Variants in CACNA2D1 observed in about 807,000 individuals in gnomAD.
CACNA2D1 encodes the protein calcium voltage-gated channel auxiliary subunit alpha2delta 1, also known as voltage-dependent calcium channel subunit alpha-2/delta-1.
A neutral mutation model predicts 171.5 loss-of-function variants in CACNA2D1; 53 were observed. That is an observed-to-expected ratio of 0.31 (90% CI 0.25 to 0.39). The LOEUF (loss-of-function observed/expected upper bound fraction) is 0.39. Ranked by LOEUF, CACNA2D1 falls within the 10% of genes least tolerant of loss-of-function variation. The pLI is 1.00. For synonymous variants in CACNA2D1, 442 were observed against 443.1 expected, an observed-to-expected ratio of 1.00 and a Z score of 0.03; for missense variants, 903 against 1,299.8, an observed-to-expected ratio of 0.69 and a Z score of 4.69.
chr7:82,423,984 T>A (rs1289852430), intron 1 of CACNA2D1, among the ~76,000 whole-genome samples: 4 of 152,188 alleles, frequency 2.6e-5, no homozygotes, highest in Admixed American at 1.3e-4. Flanking sequence ...GTATATCTTT[T>A]TAAATTTCAT....
chr7:82,422,906 T>C (rs79347604), intron 1 of CACNA2D1, among the ~76,000 whole-genome samples: 1 of 151,836 alleles, frequency 6.6e-6, no homozygotes, highest in Non-Finnish European at 1.5e-5. Flanking sequence ...AAAATTTCCA[T>C]GCATTTTAAT....
intron 3 of CACNA2D1, among the ~76,000 whole-genome samples, chr7:82,288,228 G>T (rs1042268796): frequency 7.9e-5 from 12 of 151,948 alleles, no homozygotes; most frequent in African/African-American, 2.7e-4. Flanking sequence ...ATTAAAACTT[G>T]TTTTGTTTTT....
At chr7:82,108,325 G>T (rs1563059563) in intron 6 of CACNA2D1, among the ~76,000 whole-genome samples, 1 of 152,078 alleles carries the variant, frequency 6.6e-6, no homozygotes, top group East Asian at 1.9e-4. Context: ...ATAAAGTATA[G>T]CTACTTACAG....
intron 10 of CACNA2D1, among the ~76,000 whole-genome samples, chr7:82,041,285 C>T (rs4019048): frequency 0.82 from 123,955 of 151,988 alleles, 50,916 homozygotes; most frequent in Middle Eastern, 0.88. Flanking sequence ...AAAAATAAAG[C>T]TCGTCGAAAG....
At chr7:82,340,568 T>C (rs764210283) in intron 2 of CACNA2D1, among the ~76,000 whole-genome samples, 17 of 152,170 alleles carry the variant, frequency 1.1e-4, no homozygotes, top group Non-Finnish European at 1.9e-4. Context: ...TCTGAAGTTG[T>C]GATTAACATT....
chr7:81,993,447 A>G (rs1797752872), intron 20 of CACNA2D1, among the ~76,000 whole-genome samples: 1 of 152,164 alleles, frequency 6.6e-6, no homozygotes, highest in Non-Finnish European at 1.5e-5. Flanking sequence ...AAGCCTGTGG[A>G]ATTCAGCTAC....
chr7:82,132,249 G>C (rs1029806067), intron 5 of CACNA2D1, among the ~76,000 whole-genome samples: 10 of 152,202 alleles, frequency 6.6e-5, no homozygotes, highest in Admixed American at 4.6e-4. Flanking sequence ...TAGTCACTCA[G>C]ATGAATGAGT....
At chr7:81,962,108 A>G in intron 35 of CACNA2D1, 85 bp from the exon 36 acceptor site, 1 of 1,309,134 alleles carries the variant, frequency 7.6e-7, no homozygotes, top group South Asian at 1.2e-5. Context: ...TTCACTTCTC[A>G]CAGAGCAAAA....
intron 1 of CACNA2D1, among the ~76,000 whole-genome samples, chr7:82,397,090 C>T (rs1051401701): frequency 9.2e-5 from 14 of 152,214 alleles, no homozygotes; most frequent in African/African-American, 3.4e-4. Context: ...CATTCCACAC[C>T]GAGTACCAAC....
At chr7:82,433,202 AT>A (rs1829855148) in intron 1 of CACNA2D1, among the ~76,000 whole-genome samples, 1 of 151,860 alleles carries the variant, frequency 6.6e-6, no homozygotes, top group Non-Finnish European at 1.5e-5. Flanking sequence ...AAAAAAAAAA[AT>A]TCTAACGACA....
chr7:82,174,740 A>T (rs1796392883), intron 3 of CACNA2D1, among the ~76,000 whole-genome samples: 1 of 152,124 alleles, frequency 6.6e-6, no homozygotes, highest in Admixed American at 6.6e-5. Flanking sequence ...CAGCAACAAC[A>T]AAAATCATAT....
At position 82,338,616 on chromosome 7, in the gene CACNA2D1, A is replaced by C. The variant is rs549247136; in HGVS notation, c.178-3365T>G. 8.7e-4 allele frequency among the ~76,000 whole-genome samples: 132 copies of C among 152,314 alleles called. 3 individuals carry two copies. In the South Asian group the frequency reaches 0.027, roughly 31 times the overall value. On this transcript the variant is annotated intron_variant, in intron 2 of 38. Transcript: ENST00000356860. ...TATACATTTAATTAACCATTGTATT[A>C]GTGAGAACAATGGGATTCAGGCTTC...
chr7:81,954,557 T>TCTTTCCCCA (rs1792999428), intron 38 of CACNA2D1, among the ~76,000 whole-genome samples: 1 of 152,110 alleles, frequency 6.6e-6, no homozygotes, highest in South Asian at 2.1e-4. Context: ...ACTCTGCCTT[T>TCTTTCCCCA]CTTTCCCCAT....
intron 3 of CACNA2D1, among the ~76,000 whole-genome samples, chr7:82,267,454 C>A (rs771054452): frequency 6.6e-6 from 1 of 152,116 alleles, no homozygotes; most frequent in Non-Finnish European, 1.5e-5. Context: ...GAAAACAGCT[C>A]AGAATAATTT....
intron 10 of CACNA2D1, among the ~76,000 whole-genome samples, chr7:82,039,619 A>C (rs1199887645): frequency 6.6e-6 from 1 of 152,198 alleles, no homozygotes; most frequent in Non-Finnish European, 1.5e-5. Flanking sequence ...AAAGCAATAT[A>C]ATATTATGCT....
intron 4 of CACNA2D1, among the ~76,000 whole-genome samples, chr7:82,154,317 G>C (rs1266707233): frequency 6.6e-6 from 1 of 152,112 alleles, no homozygotes; most frequent in African/African-American, 2.4e-5. Flanking sequence ...AGAAGTATGT[G>C]AGTTTTGTAC....
intron 3 of CACNA2D1, among the ~76,000 whole-genome samples, chr7:82,208,904 A>T (rs1800280158): frequency 6.6e-6 from 1 of 152,168 alleles, no homozygotes; most frequent in African/African-American, 2.4e-5. Flanking sequence ...CCATTCTACA[A>T]TGTTTACATA....
At chr7:82,122,817 T>C (rs1171495649) in intron 5 of CACNA2D1, among the ~76,000 whole-genome samples, 2 of 152,198 alleles carry the variant, frequency 1.3e-5, no homozygotes, top group East Asian at 3.9e-4. Flanking sequence ...ATGAAGTCAT[T>C]CTACTTCTAA....
intron 21 of CACNA2D1, among the ~76,000 whole-genome samples, chr7:81,987,491 TA>T (rs1378030440): frequency 6.6e-6 from 1 of 152,076 alleles, no homozygotes; most frequent in Non-Finnish European, 1.5e-5. Flanking sequence ...AATTATTCTC[TA>T]AAAAAAGAGA....
Sources: allele counts gnomAD v4.1 joint callset (sites outside exome capture counted in the v4.1 genomes callset), GRCh38; gene constraint gnomAD v4.1.1; transcripts MANE v1.5; gene names NCBI Gene and HGNC (gene_info 2026-07-23, HGNC 2026-07-21).